ZNF831: variants seen among roughly 807,000 people sequenced by gnomAD.
The protein encoded by ZNF831 is chromosome 20 open reading frame 174.
A neutral mutation model predicts 95.8 loss-of-function variants in ZNF831; 59 were observed. The observed-to-expected ratio is 0.62, with a 90% confidence interval of 0.50 to 0.77. The LOEUF (loss-of-function observed/expected upper bound fraction) is 0.77. ZNF831 is among the 30% of genes least tolerant of loss of function. The pLI, the probability that ZNF831 is intolerant of heterozygous loss-of-function variation, is 0.00. For synonymous variants in ZNF831, 961 were observed against 925.5 expected (o/e 1.04, Z -0.70); for missense variants, 2,205 against 2,164.0 (o/e 1.02, Z -0.38).
rs184477972 is a variant in ZNF831, at chr20:59,136,823, G to A, written c.-1424-9408G>A. Among the ~76,000 whole-genome samples the A allele has an allele frequency of 1.1e-4, 16 of 152,252 alleles. No individual in the cohort carries two copies. The East Asian group carries it at 2.9e-3, about 28-fold the overall frequency. On this transcript the variant is annotated intron_variant, in intron 1 of 7. Transcript: ENST00000637017. ...TCCCCCAGGTTTTATCTGGGCACGT[G>A]GTTACCCGGAATAGAAATAAAACTT...
intron 3 of ZNF831, among the ~76,000 whole-genome samples, chr20:59,200,311 G>A (rs920829649): frequency 6.6e-6 from 1 of 151,936 alleles, no homozygotes; most frequent in Non-Finnish European, 1.5e-5. Context: ...CTTCCTTTCT[G>A]AAATACTGAA....
At chr20:59,232,490 C>G (rs568917073) in intron 4 of ZNF831, among the ~76,000 whole-genome samples, 3 of 149,376 alleles carry the variant, frequency 2.0e-5, no homozygotes, top group Admixed American at 6.6e-5. Flanking sequence ...GAGTCCGCCT[C>G]AGCCCTGGGA....
At chr20:59,245,198 C>T (rs528544514) in intron 4 of ZNF831, among the ~76,000 whole-genome samples, 1 of 152,252 alleles carries the variant, frequency 6.6e-6, no homozygotes, top group South Asian at 2.1e-4. Context: ...AAATTCAGGC[C>T]ACAGATGTGT....
rs2146571314 is a variant in ZNF831, at chr20:59,192,767, A to G, written c.1748A>G (p.Glu583Gly). The G allele has an allele frequency of 6.2e-7, 1 of 1,612,500 alleles. No individual in the cohort carries two copies. Reference protein sequence around the residue: ...TPIGDALVPAEDTDAKRTAAR... With the variant: ...TPIGDALVPAGDTDAKRTAAR... ...ATTGGCGATGCCCTGGTGCCCGCAG[A>G]GGACACAGACGCAAAGAGAACTGCT... Residue 583 changes from glutamate to glycine, a missense_variant, in exon 2 of 6, where the codon GAG becomes GGG. By Grantham distance (98) the Glu-to-Gly change is moderately conservative. Transcript: ENST00000371030. The surrounding 1 kb of genome is among the most constrained non-coding windows in gnomAD (Gnocchi z 5.2).
At chr20:59,134,458 G>C (rs1170291818) in intron 1 of ZNF831, among the ~76,000 whole-genome samples, 1 of 152,178 alleles carries the variant, frequency 6.6e-6, no homozygotes, top group Non-Finnish European at 1.5e-5. Flanking sequence ...CAGCTGCATG[G>C]GTCTTTCTTT....
At chr20:59,248,109 A>T (rs1454403264) in intron 4 of ZNF831, among the ~76,000 whole-genome samples, 1 of 152,226 alleles carries the variant, frequency 6.6e-6, no homozygotes, top group Non-Finnish European at 1.5e-5. Flanking sequence ...CACAGCCTTT[A>T]ATCAGGGAAA....
chr20:59,236,110 C>T (rs183777), intron 4 of ZNF831, among the ~76,000 whole-genome samples: 90,091 of 152,048 alleles, frequency 0.59, 27,593 homozygotes, highest in East Asian at 0.86. Flanking sequence ...CCAAGTGTGT[C>T]TGACATCCTC....
At chr20:59,129,663 C>T (rs925760988) in intron 1 of ZNF831, among the ~76,000 whole-genome samples, 41 of 152,120 alleles carry the variant, frequency 2.7e-4, no homozygotes, top group Non-Finnish European at 5.9e-5. Context: ...TGTGTAGCCC[C>T]GTGAAGTTGC....
intron 1 of ZNF831, among the ~76,000 whole-genome samples, chr20:59,172,426 T>A (rs528639526): frequency 2.2e-4 from 34 of 152,270 alleles, no homozygotes; most frequent in Non-Finnish European, 4.7e-4. Flanking sequence ...CTTCCTGGCC[T>A]GGAAAAAGAG....
intron 1 of ZNF831, among the ~76,000 whole-genome samples, chr20:59,190,686 C>T (rs188596688): frequency 2.0e-5 from 3 of 152,220 alleles, no homozygotes; most frequent in Non-Finnish European, 2.9e-5. Context: ...ATGATGGTGG[C>T]AAACCTGCCA....
At chr20:59,224,289 G>A (rs8125432) in intron 4 of ZNF831, among the ~76,000 whole-genome samples, 19,876 of 152,102 alleles carry the variant, frequency 0.13, 1,774 homozygotes, top group South Asian at 0.31. Flanking sequence ...AGGTGCCCAT[G>A]GGCTTCTCAT....
intron 4 of ZNF831, among the ~76,000 whole-genome samples, chr20:59,221,150 G>A (rs1376348672): frequency 6.6e-6 from 1 of 152,158 alleles, no homozygotes; most frequent in Non-Finnish European, 1.5e-5. Context: ...GCAGGGGTGA[G>A]CATACACTGA....
At chr20:59,226,984 G>A (rs897613056) in intron 4 of ZNF831, among the ~76,000 whole-genome samples, 1 of 152,078 alleles carries the variant, frequency 6.6e-6, no homozygotes, top group Non-Finnish European at 1.5e-5. Flanking sequence ...GTGCCTATTT[G>A]CAATTTCCAG....
At chr20:59,147,763 G>T (rs569177374) in intron 2 of ZNF831, among the ~76,000 whole-genome samples, 1 of 152,204 alleles carries the variant, frequency 6.6e-6, no homozygotes, top group Non-Finnish European at 1.5e-5. Context: ...TGATATGACT[G>T]GGGTTGATCA....
At position 59,194,386 on chromosome 20, in the gene ZNF831, G is replaced by C. The variant is rs374820470; in HGVS notation, c.3367G>C (p.Asp1123His). Reference protein sequence around the residue: ...DPSSGPLVGPDPCSPLQPGSF... With the variant: ...DPSSGPLVGPHPCSPLQPGSF... ...TTCTTCAGGGCCCCTGGTGGGCCCC[G>C]ACCCGTGTTCCCCCCTCCAGCCTGG... Residue 1123 changes from aspartate to histidine, a missense_variant, in exon 2 of 6, where the codon GAC (aspartate) becomes CAC (histidine). By Grantham distance (81) the Asp-to-His change is moderately conservative. Transcript: ENST00000371030. The C allele has an allele frequency of 2.5e-6, 4 of 1,610,096 alleles. No homozygotes were observed. The South Asian group carries it at 3.3e-5, about 13-fold the overall frequency.
intron 4 of ZNF831, among the ~76,000 whole-genome samples, chr20:59,251,998 G>A (rs1987912497): frequency 6.6e-6 from 1 of 152,202 alleles, no homozygotes; most frequent in Non-Finnish European, 1.5e-5. Context: ...ATGTGTGCTT[G>A]TGTGGGGGGT....
At chr20:59,129,294 A>G (rs1417119307) in intron 1 of ZNF831, among the ~76,000 whole-genome samples, 2 of 151,990 alleles carry the variant, frequency 1.3e-5, no homozygotes, top group East Asian at 3.9e-4. Flanking sequence ...GTGCCGTTTT[A>G]TCACCTGTGT....
intron 4 of ZNF831, among the ~76,000 whole-genome samples, chr20:59,220,614 T>G (rs1233955980): frequency 6.6e-6 from 1 of 152,202 alleles, no homozygotes. Flanking sequence ...CCTAAACCCC[T>G]TCCTAACCTC....
At chr20:59,142,317 C>G (rs999493175) in intron 1 of ZNF831, among the ~76,000 whole-genome samples, 9 of 152,148 alleles carry the variant, frequency 5.9e-5, no homozygotes, top group African/African-American at 2.2e-4. Context: ...AGCTGGGAGC[C>G]GTACTTCCTT....
Sources: gnomAD v4.1 joint callset for allele counts (sites outside exome capture counted in the v4.1 genomes callset) on GRCh38, gnomAD v4.1.1 for gene constraint, Gnocchi (gnomAD v3.1) non-coding constraint, MANE v1.5 for transcripts, NCBI Gene and HGNC (gene_info 2026-07-23, HGNC 2026-07-21) for gene names.